Variants in PECAM1 observed in about 807,000 individuals in gnomAD.
The protein encoded by PECAM1 is platelet and endothelial cell adhesion molecule 1.
A neutral mutation model predicts 13.8 loss-of-function variants in PECAM1; 8 were observed. The observed-to-expected ratio is 0.58, with a 90% CI of 0.34 to 1.05. The LOEUF is 1.05. Among genes scored for constraint, PECAM1 ranks in the 50% least tolerant of loss-of-function variants. PECAM1 has a pLI of 0.03. For synonymous variants in PECAM1, 136 were observed against 52.6 expected (o/e 2.58, Z -6.86); for missense variants, 304 against 141.2 (o/e 2.15, Z -5.84).
At chr17:64,340,819 T>C (rs1433603681) in intron 14 of PECAM1, among the ~76,000 whole-genome samples, 1 of 152,046 alleles carries the variant, frequency 6.6e-6, no homozygotes, top group African/African-American at 2.4e-5. Flanking sequence ...CTGAAGCTGC[T>C]GGGCGCGGTG....
chr17:64,358,955 C>A (rs1032572176), intron 7 of PECAM1, among the ~76,000 whole-genome samples: 9 of 152,018 alleles, frequency 5.9e-5, no homozygotes, highest in Non-Finnish European at 8.8e-5. Context: ...CACCACCACA[C>A]CCAGCTAATT....
At chr17:64,329,764 A>C in intron 14 of PECAM1, 42 bp from the exon 15 acceptor site, 1 of 753,820 alleles carries the variant, frequency 1.3e-6, no homozygotes, top group Non-Finnish European at 2.5e-6. Flanking sequence ...AACGCAAATA[A>C]CCCAGTTCAA....
At position 64,329,594 on chromosome 17, in the gene PECAM1, G is replaced by A. The variant is rs2035048607; in HGVS notation, c.2187+106C>T. 4.3e-6 allele frequency: 3 copies of A among 704,220 alleles called. No individual in the cohort carries two copies. In the Admixed American group the frequency reaches 6.1e-5, roughly 14 times the overall value. The allele number at this position is 704,220 out of a possible 1,614,324, so 43.6% of individuals were successfully genotyped here. On this transcript the variant is annotated intron_variant, in intron 15 of 15. Coordinates refer to ENST00000563924, the MANE Select transcript of PECAM1 (RefSeq NM_000442.5). ...GGGCTTCTGGTCTGAAACAGACTAG[G>A]GAGCGGGGAAGAATTCATGTGAATG...
chr17:64,387,523 T>A (rs1568043543), intron 2 of PECAM1, among the ~76,000 whole-genome samples: 1 of 151,926 alleles, frequency 6.6e-6, no homozygotes. Context: ...ATAGAGATTC[T>A]AGAAGTGGTG....
intron 14 of PECAM1, among the ~76,000 whole-genome samples, chr17:64,337,262 T>G (rs62071616): frequency 0.065 from 9,835 of 152,034 alleles, 363 homozygotes; most frequent in Middle Eastern, 0.088. Flanking sequence ...AGAGACAAGG[T>G]TGTAGAGCGA....
chr17:64,344,235 A>G lies in PECAM1; in HGVS notation c.2108-2545T>C, dbSNP rs938110664. Among the ~76,000 whole-genome samples the G allele has an allele frequency of 6.6e-5, 10 of 151,274 alleles. No homozygotes were observed. In the East Asian group the frequency reaches 1.6e-3, roughly 24 times the overall value. ...GCTTCTAGAGTTGCAGCTGCCCCCA[A>G]ATCTGCCCAGTTAAGTGATGGGTGG... is the stretch of plus-strand genomic sequence containing the variant. On this transcript the variant is annotated intron_variant, in intron 13 of 15. Coordinates refer to ENST00000563924, the MANE Select transcript of PECAM1 (RefSeq NM_000442.5).
intron 7 of PECAM1, among the ~76,000 whole-genome samples, chr17:64,358,804 T>A (rs970866407): frequency 6.6e-6 from 1 of 151,998 alleles, no homozygotes; most frequent in Non-Finnish European, 1.5e-5. Context: ...ATGTTAATTT[T>A]TTTTTTTTTT....
chr17:64,373,144 T>TAAATA (rs1322082754), intron 4 of PECAM1, among the ~76,000 whole-genome samples: 1 of 149,476 alleles, frequency 6.7e-6, no homozygotes, highest in African/African-American at 2.5e-5. Flanking sequence ...AATAAATAAA[T>TAAATA]AAAAAAAAAA....
intron 8 of PECAM1, 85 bp downstream of exon 8, chr17:64,356,026 C>G (rs1043114302): frequency 3.2e-5 from 15 of 472,878 alleles, no homozygotes; most frequent in Non-Finnish European, 3.5e-5. Context: ...TAGACTCCCC[C>G]CCAACTCCCT....
chr17:64,385,765 C>A (rs2143911828), intron 2 of PECAM1, among the ~76,000 whole-genome samples: 1 of 152,306 alleles, frequency 6.6e-6, no homozygotes, highest in South Asian at 2.1e-4. Flanking sequence ...CTGAACTGAG[C>A]CTGCCAGGCC....
chr17:64,335,740 G>T (rs2035260421), intron 14 of PECAM1, among the ~76,000 whole-genome samples: 1 of 152,158 alleles, frequency 6.6e-6, no homozygotes, highest in South Asian at 2.1e-4. Context: ...TTAAGGTAGG[G>T]CTCCAAGTGT....
In PECAM1 at chr17:64,320,195, C is replaced by T. The variant is rs550759413; in HGVS notation, c.*3621G>A. 1 of 152,338 alleles carries T rather than the reference C, an allele frequency of 6.6e-6. No homozygotes were observed. The highest frequency in any genetic ancestry group is 2.1e-4 in the South Asian group (1 of 4,822). 9.4% of individuals were successfully genotyped at this position (152,338 alleles called of 1,614,324 possible). ...CACGCCAATGACGCTGGTGGAGAGT[C>T]TTAAAAACAGCTGTGCTGGGGAGAG... On this transcript the variant is annotated 3_prime_UTR_variant, in exon 16 of 16. Coordinates refer to ENST00000563924, the MANE Select transcript of PECAM1 (RefSeq NM_000442.5).
chr17:64,356,350 T>A lies in PECAM1; in HGVS notation c.1541A>T (p.Glu514Val). The A allele has an allele frequency of 2.1e-6, 1 of 473,620 alleles. No individual in the cohort carries two copies. The allele number at this position is 473,620 out of a possible 1,614,324, so 29.3% of individuals were successfully genotyped here. The change falls in exon 8 of 16, where the codon GAG (glutamate) becomes GTG (valine). Residue 514 changes from glutamate to valine, a missense_variant. Coordinates refer to ENST00000563924, the MANE Select transcript of PECAM1 (RefSeq NM_000442.5). ...QISILSSKVV[E>V]SGEDIVLQCA... ...TTGCAGCACAATGTCCTCTCCAGAC[T>A]CCACCACCTTACTTGACAGGATAGA...
Position 64,354,986 on chromosome 17 carries a change from A to T in PECAM1, c.1835T>A (p.Ile612Asn), listed in dbSNP as rs1249297154. The change falls in exon 9 of 16, where the codon ATC becomes AAC. Residue 612 changes from isoleucine to asparagine, a missense_variant. Transcript: ENST00000563924. ...GLIAVVIIGV[I>N]IALLIIAAKC... ...GGCCGCAATGATCAAGAGAGCAATGATCACTCCGATGATAACCACTGCAAT... is the reference window on the plus strand; with the variant it reads ...GGCCGCAATGATCAAGAGAGCAATGTTCACTCCGATGATAACCACTGCAAT... 2 of 475,388 alleles carry T rather than the reference A, an allele frequency of 4.2e-6. No individual in the cohort carries two copies. Among genetic ancestry groups the T allele is most frequent in the Admixed American group, 3.1e-5 (1 of 31,750 alleles). 29.4% of individuals were successfully genotyped at this position (475,388 alleles called of 1,614,324 possible).
At chr17:64,365,505 G>A (rs1196911707) in intron 5 of PECAM1, among the ~76,000 whole-genome samples, 2 of 151,118 alleles carry the variant, frequency 1.3e-5, no homozygotes, top group African/African-American at 2.4e-5. Context: ...AAAAGAGCCC[G>A]CATCACCAAG....
chr17:64,346,102 A>ACTAC (rs1157152965), intron 13 of PECAM1, among the ~76,000 whole-genome samples: 3 of 152,130 alleles, frequency 2.0e-5, no homozygotes, highest in African/African-American at 7.2e-5. Context: ...AGTCAGGAAA[A>ACTAC]CTACCCCAGG....
Position 64,322,556 on chromosome 17 carries a change from A to G in PECAM1, c.*1260T>C. On this transcript the variant is annotated 3_prime_UTR_variant, in exon 16 of 16. Coordinates refer to ENST00000563924, the MANE Select transcript of PECAM1 (RefSeq NM_000442.5). Reference sequence around the variant, plus strand: ...ATACAACATCCACGAGGGTCCCTGCAGCTGTGTCACTGAGGCAAACAGGAA... The same window carrying G: ...ATACAACATCCACGAGGGTCCCTGCGGCTGTGTCACTGAGGCAAACAGGAA... 3.0e-6 allele frequency: 3 copies of G among 985,434 alleles called. No individual in the cohort carries two copies. Among genetic ancestry groups the G allele is most frequent in the Non-Finnish European group, 2.4e-6 (2 of 829,958 alleles). 61.0% of individuals were successfully genotyped at this position (985,434 alleles called of 1,614,324 possible).
rs1398864985 is a variant in PECAM1 at position 64,390,475 on chromosome 17, AAC to A, written c.91+12_91+13del. Reference sequence around the variant, plus strand: ...AGGTAGAAACATCTGTTACAGTGGAAACATCAGACTTACAGTTTTCTTGACCC... The same window carrying A: ...AGGTAGAAACATCTGTTACAGTGGAAATCAGACTTACAGTTTTCTTGACCC... On this transcript the variant is annotated intron_variant, in intron 2 of 15. Coordinates refer to ENST00000563924, the MANE Select transcript of PECAM1 (RefSeq NM_000442.5). 4 of 473,220 alleles carry A rather than the reference AAC, an allele frequency of 8.5e-6. No individual in the cohort carries two copies. Among genetic ancestry groups the A allele is most frequent in the Middle Eastern group, 5.9e-4 (1 of 1,682 alleles). The allele number at this position is 473,220 out of a possible 1,614,324, so 29.3% of individuals were successfully genotyped here. A position where few individuals can be genotyped will look rare whatever the true frequency, so the allele number is the denominator to read the frequency against.
At chr17:64,342,498 T>C (rs2035459337) in intron 13 of PECAM1, among the ~76,000 whole-genome samples, 1 of 152,202 alleles carries the variant, frequency 6.6e-6, no homozygotes. Flanking sequence ...ACCCTAGGAA[T>C]AGCTGGGACT....
Sources: allele counts gnomAD v4.1 joint callset (sites outside exome capture counted in the v4.1 genomes callset), GRCh38; gene constraint gnomAD v4.1.1; transcripts MANE v1.5; gene names NCBI Gene and HGNC (gene_info 2026-07-23, HGNC 2026-07-21).